The following VRTN variants were observed in gnomAD, a reference collection of about 807,000 sequenced individuals.
VRTN encodes the protein vertebrae development associated.
VRTN carries 5 observed loss-of-function variants against 18.2 expected under a neutral mutation model. The observed-to-expected ratio is 0.27, with a 90% CI of 0.14 to 0.58. The LOEUF is 0.58. Ranked by LOEUF, VRTN falls within the 20% of genes least tolerant of loss-of-function variation. VRTN has a pLI of 0.91. For synonymous variants in VRTN, 381 were observed against 393.7 expected, an observed-to-expected ratio of 0.97 and a Z score of 0.38; for missense variants, 741 against 939.4, an observed-to-expected ratio of 0.79 and a Z score of 2.76.
intron 1 of VRTN, among the ~76,000 whole-genome samples, chr14:74,350,317 T>A (rs1480376044): frequency 1.3e-5 from 2 of 151,878 alleles, no homozygotes; most frequent in Non-Finnish European, 2.9e-5. Flanking sequence ...ACCTCCTACC[T>A]CTTTGGGGAA....
intron 1 of VRTN, among the ~76,000 whole-genome samples, chr14:74,336,109 G>A (rs1301135969): frequency 6.6e-6 from 1 of 151,336 alleles, no homozygotes; most frequent in Non-Finnish European, 1.5e-5. Flanking sequence ...AAACTGAAGT[G>A]TGCAAAGTAA....
At chr14:74,339,440 TGGGTACAGGCAAGAGA>T (rs963245764) in intron 2 of VRTN, among the ~76,000 whole-genome samples, 5 of 128,568 alleles carry the variant, frequency 3.9e-5, no homozygotes, top group East Asian at 2.1e-4. Context: ...GTCTCAGTCC[TGGGTACAGGCAAGAGA>T]GGGTAAAAGA....
rs1213252828 is a variant in VRTN at position 74,359,236 on chromosome 14, G to C, written c.*344G>C. ...GTATGTATGTCAGGGGGTTTAGAGG[G>C]GGGTTGGTTAGCTAGAGCTGCTTTC... On this transcript the variant is annotated 3_prime_UTR_variant, in exon 2 of 2. Transcript: ENST00000256362. The C allele has an allele frequency of 1.3e-5, 3 of 239,306 alleles. No homozygotes were observed. The highest frequency in any genetic ancestry group is 2.6e-5 in the Non-Finnish European group (3 of 114,992). 14.8% of individuals were successfully genotyped at this position (239,306 alleles called of 1,614,324 possible). A position where few individuals can be genotyped will look rare whatever the true frequency, so the allele number is the denominator to read the frequency against.
chr14:74,340,404 G>A (rs868819986), intron 2 of VRTN, among the ~76,000 whole-genome samples: 14 of 149,566 alleles, frequency 9.4e-5, no homozygotes, highest in Admixed American at 2.7e-4. Flanking sequence ...GAGCCACCGC[G>A]CCCGGCCATG....
chr14:74,344,127 G>A (rs563671157), upstream of VRTN, among the ~76,000 whole-genome samples: 3 of 150,902 alleles, frequency 2.0e-5, no homozygotes, highest in Non-Finnish European at 3.0e-5. Flanking sequence ...TGTGTTTACC[G>A]GCTGGGCATG....
chr14:74,331,952 C>T (rs1182865149), intron 1 of VRTN, among the ~76,000 whole-genome samples: 9 of 152,190 alleles, frequency 5.9e-5, no homozygotes, highest in African/African-American at 1.7e-4. Context: ...TTTTCAGGCT[C>T]ACCCTACATA....
chr14:74,336,290 C>G (rs2085563656), intron 1 of VRTN, among the ~76,000 whole-genome samples: 1 of 151,876 alleles, frequency 6.6e-6, no homozygotes, highest in Non-Finnish European at 1.5e-5. Context: ...GCTTGTAATC[C>G]CAGCTGCTCG....
At position 74,349,752 on chromosome 14, in the gene VRTN, G is replaced by A. The variant is rs78613990; in HGVS notation, c.-2+1100G>A. ...TGCTTGAAATAAAGAATGGGGGAGC[G>A]GGGAGGCTGACCTTGGTGAAGGCGA... On this transcript the variant is annotated intron_variant, in intron 1 of 1. Transcript: ENST00000256362. Among the ~76,000 whole-genome samples, 199 of 152,280 alleles carry A rather than the reference G, an allele frequency of 1.3e-3. 3 individuals carry two copies. The East Asian group carries it at 0.025, about 19-fold the overall frequency.
chr14:74,340,157 G>T (rs1439878885), intron 2 of VRTN, among the ~76,000 whole-genome samples: 2 of 145,186 alleles, frequency 1.4e-5, no homozygotes, highest in African/African-American at 5.2e-5. Flanking sequence ...TTGTTGCCCA[G>T]GCTGGAGTGC....
chr14:74,333,233 A>G (rs2085540698), intron 1 of VRTN, among the ~76,000 whole-genome samples: 2 of 151,948 alleles, frequency 1.3e-5, no homozygotes, highest in African/African-American at 4.8e-5. Flanking sequence ...AAATACAAAA[A>G]TTAACTGGGT....
intron 1 of VRTN, among the ~76,000 whole-genome samples, chr14:74,328,589 T>C: frequency 6.6e-6 from 1 of 152,178 alleles, no homozygotes; most frequent in East Asian, 1.9e-4. Context: ...TTGCAAGGGA[T>C]TGCTTAAATA....
chr14:74,330,412 G>T (rs1332389258), intron 1 of VRTN, among the ~76,000 whole-genome samples: 1 of 150,344 alleles, frequency 6.7e-6, no homozygotes, highest in Non-Finnish European at 1.5e-5. Flanking sequence ...CACTCAGTTA[G>T]TTGAAGTATA....
intron 1 of VRTN, among the ~76,000 whole-genome samples, chr14:74,330,151 A>C (rs2085512374): frequency 6.6e-6 from 1 of 152,036 alleles, no homozygotes; most frequent in African/African-American, 2.4e-5. Context: ...CTAGGATTAC[A>C]GGTGTGAGCC....
At chr14:74,344,964 C>T (rs946092478), upstream of VRTN, among the ~76,000 whole-genome samples, 13 of 152,210 alleles carry the variant, frequency 8.5e-5, no homozygotes, top group Admixed American at 8.5e-4. Flanking sequence ...AGAAACAATA[C>T]TGGCTGCTTC....
chr14:74,332,315 G>A (rs565891020), intron 1 of VRTN, among the ~76,000 whole-genome samples: 2 of 139,226 alleles, frequency 1.4e-5, no homozygotes, highest in East Asian at 2.1e-4. Flanking sequence ...TTCCCCCTCC[G>A]GAGGATCGAC....
At chr14:74,335,326 C>T (rs913409454) in intron 1 of VRTN, among the ~76,000 whole-genome samples, 2 of 152,250 alleles carry the variant, frequency 1.3e-5, no homozygotes, top group Non-Finnish European at 1.5e-5. Flanking sequence ...CAGACACATC[C>T]AATAACCCTC....
chr14:74,351,230 TA>T (rs945173040), intron 1 of VRTN, among the ~76,000 whole-genome samples: 30 of 152,226 alleles, frequency 2.0e-4, no homozygotes, highest in African/African-American at 6.8e-4. Flanking sequence ...ATTCCTTTTT[TA>T]AAAATTGTAT....
In VRTN at chr14:74,358,761, C is replaced by G; in HGVS notation, c.1978C>G (p.Gln660Glu). ...CAAGGCCCAGGCCAAGCTGTTCTTG[C>G]AGAAGCGCTTCCAGTCCAAGAGCTT... The part of the protein sequence containing the change: ...KFKAQAKLFL[Q>E]KRFQSKSFPS... The change falls in exon 2 of 2, where the codon CAG becomes GAG. Residue 660 changes from glutamine to glutamate, a missense_variant. Physicochemically the swap from Gln to Glu is conservative, Grantham distance 29. Coordinates refer to ENST00000256362, the MANE Select transcript of VRTN (RefSeq NM_018228.3). The surrounding 1 kb of genome is among the most constrained non-coding windows in gnomAD (Gnocchi z 5.4). 1 of 1,614,228 alleles carries G rather than the reference C, an allele frequency of 6.2e-7. No homozygotes were observed. The highest frequency in any genetic ancestry group is 8.5e-7 in the Non-Finnish European group (1 of 1,180,028).
intron 1 of VRTN, among the ~76,000 whole-genome samples, chr14:74,317,820 CAAAAA>C (rs962525295): frequency 1.3e-5 from 2 of 150,792 alleles, no homozygotes; most frequent in South Asian, 4.2e-4. Context: ...AACAAAAAAA[CAAAAA>C]AAACAAAATC....
Sources: allele counts gnomAD v4.1 joint callset (sites outside exome capture counted in the v4.1 genomes callset), GRCh38; gene constraint gnomAD v4.1.1; non-coding constraint Gnocchi (gnomAD v3.1); transcripts MANE v1.5; gene names NCBI Gene and HGNC (gene_info 2026-07-23, HGNC 2026-07-21).